Variants in RAB20 observed in about 807,000 individuals in gnomAD.
The protein encoded by RAB20 is RAB20, member RAS oncogene family, also known as ras-related protein Rab-20.
Under a neutral mutation model 3.7 loss-of-function variants are expected in RAB20, and 2 were observed. That is an observed-to-expected ratio of 0.54 (90% CI 0.22 to 1.69). RAB20 has a LOEUF of 1.69. RAB20 is among the 40% of genes most tolerant of loss of function. The probability of loss-of-function intolerance (pLI) is 0.19; values close to 1 mark genes in which losing one functional copy is unlikely to be tolerated. For missense variants in RAB20, 276 were observed against 311.9 expected (o/e 0.88, Z 0.87); for synonymous variants, 126 against 130.8 (o/e 0.96, Z 0.25).
At chr13:110,546,751 T>A (rs890006990) in intron 1 of RAB20, among the ~76,000 whole-genome samples, 49 of 150,972 alleles carry the variant, frequency 3.2e-4, no homozygotes, top group Non-Finnish European at 5.8e-4. Flanking sequence ...TGTTTGTTTG[T>A]TTTTGAGACA....
intron 1 of RAB20, among the ~76,000 whole-genome samples, chr13:110,559,656 C>G (rs1157629426): frequency 6.6e-6 from 1 of 152,198 alleles, no homozygotes; most frequent in Non-Finnish European, 1.5e-5. Context: ...GCAGCAGCAG[C>G]CTCGGATGCC....
intron 1 of RAB20, among the ~76,000 whole-genome samples, chr13:110,558,747 G>C (rs1315479280): frequency 7.3e-6 from 1 of 136,616 alleles, no homozygotes; most frequent in East Asian, 2.1e-4. Flanking sequence ...TCACCGGGTT[G>C]GAGTGCAGTG....
At chr13:110,548,601 T>C (rs1344091199) in intron 1 of RAB20, among the ~76,000 whole-genome samples, 1 of 151,946 alleles carries the variant, frequency 6.6e-6, no homozygotes, top group African/African-American at 2.4e-5. Context: ...ACCTGATTTC[T>C]TGGTTAGGTC....
chr13:110,526,876 C>T (rs1187458400), intron 1 of RAB20, among the ~76,000 whole-genome samples: 6 of 152,160 alleles, frequency 3.9e-5, no homozygotes, highest in African/African-American at 9.7e-5. Context: ...AGGCTCAAGA[C>T]GACTGTACTT....
In RAB20 at chr13:110,533,987, C is replaced by T. The variant is rs75454410; in HGVS notation, c.173-9790G>A. Reference sequence around the variant, plus strand: ...ACATGCACCAAAGCCTCCAGAGAGCCAATGGCTTGCCAGCCTCCACCCACC... The same window carrying T: ...ACATGCACCAAAGCCTCCAGAGAGCTAATGGCTTGCCAGCCTCCACCCACC... On this transcript the variant is annotated intron_variant, in intron 1 of 1. Transcript: ENST00000267328. Among the ~76,000 whole-genome samples, 661 of 152,318 alleles carry T rather than the reference C, an allele frequency of 4.3e-3. 5 individuals are homozygous for T. Among genetic ancestry groups the T allele is most frequent in the African/African-American group, 0.015 (636 of 41,594 alleles).
chr13:110,550,684 G>A lies in RAB20; in HGVS notation c.172+10664C>T, dbSNP rs546810399. On this transcript the variant is annotated intron_variant, in intron 1 of 1. Coordinates refer to ENST00000267328, the MANE Select transcript of RAB20 (RefSeq NM_017817.3). ...GAGTTTTTTCCTGAAACACATTCCC[G>A]AGGTATCTAGTGGATCTGCCTTCTC... Among the ~76,000 whole-genome samples the A allele has an allele frequency of 9.9e-4, 151 of 152,194 alleles. 1 individual carries two copies. The highest frequency in any genetic ancestry group is 2.7e-3 in the South Asian group (13 of 4,818).
chr13:110,561,214 G>A, intron 1 of RAB20, 134 bp downstream of exon 1: 3 of 1,191,458 alleles, frequency 2.5e-6, no homozygotes, highest in Non-Finnish European at 3.4e-6. Context: ...GGACGAGTGG[G>A]AAACCCCGAG....
In RAB20 at chr13:110,561,570, G is replaced by C; in HGVS notation, c.-51C>G. 1 of 1,502,136 alleles carries C rather than the reference G, an allele frequency of 6.7e-7. No homozygotes were observed. Among genetic ancestry groups the C allele is most frequent in the Non-Finnish European group, 8.9e-7 (1 of 1,128,416 alleles). 93.1% of individuals were successfully genotyped at this position (1,502,136 alleles called of 1,614,324 possible). A position where few individuals can be genotyped will look rare whatever the true frequency, so the allele number is the denominator to read the frequency against. ...CCGCGCCCTCTCCCCGAGGCTGGCC[G>C]GCTCGTGCGCCCTGGGCGCAGCTGG... On this transcript the variant is annotated 5_prime_UTR_variant, in exon 1 of 2. Transcript: ENST00000267328.
chr13:110,558,854 C>T (rs552589934), intron 1 of RAB20, among the ~76,000 whole-genome samples: 133 of 152,090 alleles, frequency 8.7e-4, no homozygotes, highest in African/African-American at 3.1e-3. Flanking sequence ...TGCGCCACCA[C>T]GCCCTGCTAA....
Position 110,525,261 on chromosome 13 carries a change from C to T in RAB20, c.173-1064G>A, listed in dbSNP as rs138830618. On this transcript the variant is annotated intron_variant, in intron 1 of 1. Coordinates refer to ENST00000267328, the MANE Select transcript of RAB20 (RefSeq NM_017817.3). ...GCCAGGGCACTGGAACACCCGCCAC[C>T]GTCCTACATTTAAACGCAGAGACCC... 5.6e-3 allele frequency among the ~76,000 whole-genome samples: 857 copies of T among 152,328 alleles called. 9 individuals carry two copies. Among genetic ancestry groups the T allele is most frequent in the African/African-American group, 0.018 (757 of 41,564 alleles).
chr13:110,557,978 C>T (rs1885067825), intron 1 of RAB20, among the ~76,000 whole-genome samples: 1 of 152,264 alleles, frequency 6.6e-6, no homozygotes, highest in African/African-American at 2.4e-5. Context: ...CCATTCACTT[C>T]TTGCCTGCCT....
intron 1 of RAB20, among the ~76,000 whole-genome samples, chr13:110,551,380 G>C (rs543305869): frequency 6.6e-6 from 1 of 152,218 alleles, no homozygotes; most frequent in African/African-American, 2.4e-5. Context: ...TGTGAGAACC[G>C]AGCAAAGACA....
At chr13:110,545,023 C>A (rs536582498) in intron 1 of RAB20, among the ~76,000 whole-genome samples, 1 of 152,086 alleles carries the variant, frequency 6.6e-6, no homozygotes, top group Non-Finnish European at 1.5e-5. Flanking sequence ...TTTCTCTTGC[C>A]GCCACCATGT....
At chr13:110,538,079 A>G (rs909811930) in intron 1 of RAB20, among the ~76,000 whole-genome samples, 1 of 152,024 alleles carries the variant, frequency 6.6e-6, no homozygotes, top group Non-Finnish European at 1.5e-5. Flanking sequence ...ATCTCTACAG[A>G]AAATACAAAA....
Position 110,547,897 on chromosome 13 carries a change from G to A in RAB20, c.172+13451C>T, listed in dbSNP as rs868717159. 4.6e-5 allele frequency among the ~76,000 whole-genome samples: 7 copies of A among 152,262 alleles called. No individual in the cohort carries two copies. The South Asian group carries it at 6.2e-4, about 14-fold the overall frequency. ...TACACAACAGTATTGCAAATAGGCC[G>A]TCCCATTTATTCTTTGTATCTAAAC... On this transcript the variant is annotated intron_variant, in intron 1 of 1. Transcript: ENST00000267328.
chr13:110,534,479 C>T (rs944337589), intron 1 of RAB20, among the ~76,000 whole-genome samples: 8 of 152,204 alleles, frequency 5.3e-5, no homozygotes, highest in Non-Finnish European at 1.0e-4. Flanking sequence ...TCAAGGGTGC[C>T]GACCACGCCC....
rs78566237 is a variant in RAB20 at position 110,536,600 on chromosome 13, A to G, written c.173-12403T>C. On this transcript the variant is annotated intron_variant, in intron 1 of 1. Coordinates refer to ENST00000267328, the MANE Select transcript of RAB20 (RefSeq NM_017817.3). The stretch of plus-strand genomic sequence containing the variant: ...CGGAGAACACTGAACTCAGACAACC[A>G]GAGTTCAGAGAGGAGGAGGCAGGGC... 5.2e-3 allele frequency among the ~76,000 whole-genome samples: 791 copies of G among 152,060 alleles called. 7 individuals carry two copies. The highest frequency in any genetic ancestry group is 0.018 in the African/African-American group (749 of 41,474).
chr13:110,536,713 C>T (rs1566586021), intron 1 of RAB20, among the ~76,000 whole-genome samples: 1 of 27,070 alleles, frequency 3.7e-5, no homozygotes, highest in African/African-American at 1.5e-4. Context: ...TCTAAAATGG[C>T]TTTTTTTTGG....
At chr13:110,527,900 T>TAC (rs61582404) in intron 1 of RAB20, among the ~76,000 whole-genome samples, 4,085 of 138,114 alleles carry the variant, frequency 0.03, 74 homozygotes, top group East Asian at 0.052. Context: ...TCTCTACAAA[T>TAC]ACACACACAC....
Sources: allele counts gnomAD v4.1 joint callset (sites outside exome capture counted in the v4.1 genomes callset), GRCh38; gene constraint gnomAD v4.1.1; transcripts MANE v1.5; gene names NCBI Gene and HGNC (gene_info 2026-07-23, HGNC 2026-07-21).